GABBR2: variants seen among roughly 807,000 people sequenced by gnomAD.
GABBR2 encodes G-protein coupled receptor 51.
In GABBR2, 23 loss-of-function variants were observed where a neutral mutation model predicts 105.6. That is an observed-to-expected ratio of 0.22 (90% confidence interval 0.16 to 0.31). The LOEUF is 0.31. Among genes scored for constraint, GABBR2 ranks in the 10% least tolerant of loss-of-function variants. The pLI is 1.00. For missense variants in GABBR2, 734 were observed against 1,245.5 expected (o/e 0.59, Z 6.18); for synonymous variants, 478 against 499.7 (o/e 0.96, Z 0.58).
intron 8 of GABBR2, among the ~76,000 whole-genome samples, chr9:98,402,052 C>T (rs1041849633): frequency 1.3e-5 from 2 of 152,080 alleles, no homozygotes; most frequent in Admixed American, 6.5e-5. Flanking sequence ...GAAGGAAGAC[C>T]CCTTCCCTTC....
At chr9:98,649,728 T>C (rs182103525) in intron 1 of GABBR2, among the ~76,000 whole-genome samples, 1 of 152,304 alleles carries the variant, frequency 6.6e-6, no homozygotes, top group Non-Finnish European at 1.5e-5. Context: ...ATAGGTATAA[T>C]GAATGGTAGG....
chr9:98,302,126 C>T lies in GABBR2; in HGVS notation c.2412+1115G>A, dbSNP rs140905006. Among the ~76,000 whole-genome samples, 186 of 152,312 alleles carry T rather than the reference C, an allele frequency of 1.2e-3. 1 individual carries two copies. The highest frequency in any genetic ancestry group is 4.3e-3 in the African/African-American group (179 of 41,582). Reference sequence around the variant, plus strand: ...ACTGGGCATCCCATATCTAATCTGGCAACCCTATGTCTCACTTCTTCCTTG... The same window carrying T: ...ACTGGGCATCCCATATCTAATCTGGTAACCCTATGTCTCACTTCTTCCTTG... On this transcript the variant is annotated intron_variant, in intron 16 of 18. Coordinates refer to ENST00000259455, the MANE Select transcript of GABBR2 (RefSeq NM_005458.8).
intron 13 of GABBR2, among the ~76,000 whole-genome samples, chr9:98,319,492 T>C (rs189731011): frequency 2.4e-4 from 37 of 151,368 alleles, no homozygotes; most frequent in Non-Finnish European, 4.4e-4. Context: ...GGAAAGGACA[T>C]GTAAGATCAC....
At chr9:98,296,512 C>T (rs1341263249) in intron 17 of GABBR2, among the ~76,000 whole-genome samples, 8 of 152,192 alleles carry the variant, frequency 5.3e-5, no homozygotes, top group African/African-American at 1.7e-4. Flanking sequence ...TTTGAGAATG[C>T]CTCTCTTATA....
chr9:98,549,089 C>T (rs1467516326), intron 2 of GABBR2, among the ~76,000 whole-genome samples: 2 of 121,174 alleles, frequency 1.7e-5, no homozygotes, highest in African/African-American at 5.3e-5. Flanking sequence ...CACCCACCAC[C>T]ATGCCCAGCT....
At chr9:98,452,744 A>G (rs1826253844) in intron 7 of GABBR2, among the ~76,000 whole-genome samples, 1 of 152,212 alleles carries the variant, frequency 6.6e-6, no homozygotes, top group South Asian at 2.1e-4. Context: ...CAAGATTTAT[A>G]TTATTATCCC....
intron 1 of GABBR2, among the ~76,000 whole-genome samples, chr9:98,618,337 T>C (rs1829617008): frequency 6.6e-6 from 1 of 152,150 alleles, no homozygotes; most frequent in African/African-American, 2.4e-5. Flanking sequence ...TCACAATAGT[T>C]GGGGGTTTGT....
At chr9:98,410,123 T>C (rs1813742383) in intron 7 of GABBR2, among the ~76,000 whole-genome samples, 1 of 152,080 alleles carries the variant, frequency 6.6e-6, no homozygotes, top group Admixed American at 6.5e-5. Context: ...AGCTGGAATT[T>C]TTTTTTTTGG....
At chr9:98,592,412 T>C (rs1407736662) in intron 1 of GABBR2, among the ~76,000 whole-genome samples, 1 of 152,244 alleles carries the variant, frequency 6.6e-6, no homozygotes, top group Admixed American at 6.5e-5. Flanking sequence ...TTTTACGCAT[T>C]AGCCCACTTA....
chr9:98,605,937 A>G (rs1380150923), intron 1 of GABBR2, among the ~76,000 whole-genome samples: 1 of 146,066 alleles, frequency 6.8e-6, no homozygotes, highest in African/African-American at 2.6e-5. Context: ...CCTCCACCCC[A>G]CTACAGGCCC....
intron 13 of GABBR2, among the ~76,000 whole-genome samples, chr9:98,313,129 G>A (rs1830661257): frequency 1.3e-5 from 2 of 152,034 alleles, no homozygotes; most frequent in Non-Finnish European, 2.9e-5. Context: ...TTCCAGATTG[G>A]GCCAGTGGAA....
intron 7 of GABBR2, among the ~76,000 whole-genome samples, chr9:98,438,964 G>A (rs1254945907): frequency 6.6e-6 from 1 of 152,106 alleles, no homozygotes; most frequent in Non-Finnish European, 1.5e-5. Context: ...TTAAGGGGAT[G>A]ACCACAGTGA....
chr9:98,679,532 G>A (rs1173635270), intron 1 of GABBR2, among the ~76,000 whole-genome samples: 3 of 152,212 alleles, frequency 2.0e-5, no homozygotes, highest in South Asian at 4.1e-4. Flanking sequence ...TGTAATGATT[G>A]GAGCTGCTCA....
At chr9:98,447,746 C>T (rs529602786) in intron 7 of GABBR2, among the ~76,000 whole-genome samples, 1 of 151,620 alleles carries the variant, frequency 6.6e-6, no homozygotes, top group East Asian at 1.9e-4. Context: ...ACTTAGAGTA[C>T]TTGGAATTCC....
chr9:98,400,239 A>G (rs1021097613), intron 8 of GABBR2, among the ~76,000 whole-genome samples: 2 of 151,990 alleles, frequency 1.3e-5, no homozygotes, highest in Admixed American at 6.6e-5. Flanking sequence ...TCAAAGGATC[A>G]GAACAGACAA....
chr9:98,358,620 T>C (rs1170379591), intron 13 of GABBR2, among the ~76,000 whole-genome samples: 1 of 152,112 alleles, frequency 6.6e-6, no homozygotes, highest in African/African-American at 2.4e-5. Flanking sequence ...CTCTCTGGAG[T>C]CCCTCACAGG....
intron 1 of GABBR2, among the ~76,000 whole-genome samples, chr9:98,600,850 A>G (rs2131804544): frequency 6.6e-6 from 1 of 152,030 alleles, no homozygotes; most frequent in South Asian, 2.1e-4. Flanking sequence ...GTGGCAGGTG[A>G]CTCTGCTTCC....
chr9:98,392,966 CA>C (rs1832210307), intron 9 of GABBR2, among the ~76,000 whole-genome samples: 3 of 132,922 alleles, frequency 2.3e-5, no homozygotes, highest in Non-Finnish European at 3.2e-5. Context: ...CCCACCCACC[CA>C]ACCCACCCAC....
chr9:98,618,486 ATCTCTC>A (rs10611275), intron 1 of GABBR2, among the ~76,000 whole-genome samples: 60,655 of 144,908 alleles, frequency 0.42, 12,581 homozygotes, highest in Middle Eastern at 0.55. Context: ...GGTCTGCTGC[ATCTCTC>A]TCTCTCTCTC....
Sources: allele counts gnomAD v4.1 joint callset (sites outside exome capture counted in the v4.1 genomes callset), GRCh38; gene constraint gnomAD v4.1.1; transcripts MANE v1.5; gene names NCBI Gene and HGNC (gene_info 2026-07-23, HGNC 2026-07-21).